The following SNTA1 variants were observed in gnomAD, a reference collection of about 807,000 sequenced individuals.
SNTA1 encodes syntrophin alpha 1.
A neutral mutation model predicts 47.1 loss-of-function variants in SNTA1; 31 were observed. The ratio of observed to expected loss-of-function variants is 0.66; its 90% confidence interval spans 0.49 to 0.89. The LOEUF is 0.89. Among genes scored for constraint, SNTA1 ranks in the 40% least tolerant of loss-of-function variants. The probability of loss-of-function intolerance (pLI) is 0.00; values close to 1 mark genes in which losing one functional copy is unlikely to be tolerated. For synonymous variants in SNTA1, 300 were observed against 313.6 expected (o/e 0.96, Z 0.46); for missense variants, 575 against 693.0 (o/e 0.83, Z 1.91).
intron 2 of SNTA1, among the ~76,000 whole-genome samples, chr20:33,426,222 G>A (rs1419948829): frequency 1.3e-5 from 2 of 151,868 alleles, no homozygotes; most frequent in Non-Finnish European, 2.9e-5. Context: ...GCTGAGGTGG[G>A]CAGATCACCT....
intron 2 of SNTA1, among the ~76,000 whole-genome samples, chr20:33,420,270 A>G (rs986145103): frequency 2.6e-5 from 4 of 152,154 alleles, no homozygotes; most frequent in Non-Finnish European, 5.9e-5. Flanking sequence ...AGGATGGTGA[A>G]GCAGAAAGAT....
chr20:33,422,558 G>A (rs923987166), intron 2 of SNTA1, among the ~76,000 whole-genome samples: 2 of 152,040 alleles, frequency 1.3e-5, no homozygotes, highest in African/African-American at 2.4e-5. Flanking sequence ...CAGGCAGATC[G>A]CTTGAGCCTA....
chr20:33,430,099 G>C (rs1299313405), intron 2 of SNTA1, among the ~76,000 whole-genome samples: 1 of 152,018 alleles, frequency 6.6e-6, no homozygotes, highest in Non-Finnish European at 1.5e-5. Flanking sequence ...CAGAGATAAT[G>C]CTCGTATCAA....
intron 2 of SNTA1, among the ~76,000 whole-genome samples, chr20:33,437,528 AT>A (rs1990472532): frequency 6.6e-6 from 1 of 152,038 alleles, no homozygotes; most frequent in African/African-American, 2.4e-5. Context: ...CTTTATTTAA[AT>A]TTTATTTTAT....
chr20:33,433,534 T>A (rs1990363761), intron 2 of SNTA1, among the ~76,000 whole-genome samples: 1 of 152,148 alleles, frequency 6.6e-6, no homozygotes, highest in African/African-American at 2.4e-5. Flanking sequence ...CCCAAAGTGC[T>A]AGGATTACAG....
intron 2 of SNTA1, among the ~76,000 whole-genome samples, chr20:33,423,539 A>G (rs969203284): frequency 6.6e-6 from 1 of 152,110 alleles, no homozygotes; most frequent in African/African-American, 2.4e-5. Flanking sequence ...CTTCCTCCTC[A>G]GGGAAGCTGA....
chr20:33,421,080 G>T lies in SNTA1; in HGVS notation c.497-3157C>A, dbSNP rs899312784. Among the ~76,000 whole-genome samples, 6 of 151,984 alleles carry T rather than the reference G, an allele frequency of 3.9e-5. No individual in the cohort carries two copies. The East Asian group carries it at 9.6e-4, about 24-fold the overall frequency. On this transcript the variant is annotated intron_variant, in intron 2 of 7. Transcript: ENST00000217381. Reference sequence around the variant, plus strand: ...TCCAGCTAATCAAGAGGCTGAGGCAGGAGGATCGCTTGAACCCAGCAAGCA... The same window carrying T: ...TCCAGCTAATCAAGAGGCTGAGGCATGAGGATCGCTTGAACCCAGCAAGCA...
rs113412654 is a variant in SNTA1, at chr20:33,412,713, C to T, written c.771G>A (p.Ala257=). The T allele has an allele frequency of 8.7e-6, 14 of 1,613,658 alleles. No homozygotes were observed. Among genetic ancestry groups the T allele is most frequent in the East Asian group, 2.2e-5 (1 of 44,876 alleles). The change falls in exon 4 of 8, where the codon GCG becomes GCA. Residue 257 remains alanine (A), a synonymous_variant. Transcript: ENST00000217381. ...LFLRAKDEAS[A]RSWATAIQAQ... ...CTTGGATGGCAGTCGCCCACGACCT[C>T]GCACTAGCCTCATCCTTGGCCCTCA...
At position 33,438,934 on chromosome 20, in the gene SNTA1, T is replaced by G. The variant is rs756587722; in HGVS notation, c.403A>C (p.Ile135Leu). ...QTEALFVGDAILSVNGEDLSS... is the reference protein window; with the variant it reads ...QTEALFVGDALLSVNGEDLSS... ...AAGTCTTCCCCATTCACAGACAGGA[T>G]GGCATCCCCCACAAAAAGGGCCTCT... Residue 135 changes from isoleucine (I) to leucine (L), a missense_variant, in exon 2 of 8, where the codon ATC (isoleucine) becomes CTC (leucine). By Grantham distance (5) the Ile-to-Leu change is conservative (BLOSUM62 2). Transcript: ENST00000217381. 7 of 1,614,110 alleles carry G rather than the reference T, an allele frequency of 4.3e-6. No individual in the cohort carries two copies. The highest frequency in any genetic ancestry group is 1.7e-5 in the Admixed American group (1 of 60,018).
intron 2 of SNTA1, among the ~76,000 whole-genome samples, chr20:33,429,027 C>A (rs560183632): frequency 6.6e-6 from 1 of 151,464 alleles, no homozygotes; most frequent in South Asian, 2.1e-4. Context: ...GGCAACAAAG[C>A]AAGACTCGGT....
intron 3 of SNTA1, 126 bp downstream of exon 3, chr20:33,417,593 T>A: frequency 1.4e-6 from 1 of 725,248 alleles, no homozygotes; most frequent in Non-Finnish European, 2.5e-6. Flanking sequence ...AATCTATTTT[T>A]TAAGCACCTA....
intron 3 of SNTA1, among the ~76,000 whole-genome samples, chr20:33,415,879 T>C (rs762830745): frequency 2.6e-5 from 4 of 151,396 alleles, no homozygotes; most frequent in African/African-American, 4.9e-5. Context: ...GAGGCCAAGG[T>C]GGGCGGATCA....
intron 4 of SNTA1, 74 bp downstream of exon 4, chr20:33,412,501 A>C (rs953883882): frequency 1.9e-6 from 3 of 1,601,468 alleles, no homozygotes; most frequent in Non-Finnish European, 2.6e-6. Flanking sequence ...TGAGGTGGCC[A>C]GGGGCACTGG....
intron 6 of SNTA1, among the ~76,000 whole-genome samples, chr20:33,409,814 A>G (rs547247265): frequency 6.6e-6 from 1 of 152,234 alleles, no homozygotes; most frequent in South Asian, 2.1e-4. Context: ...TATTTTTAGT[A>G]GAGACAGGGT....
chr20:33,421,733 AC>A (rs756385763), intron 2 of SNTA1, among the ~76,000 whole-genome samples: 3 of 151,960 alleles, frequency 2.0e-5, no homozygotes, highest in Non-Finnish European at 4.4e-5. Flanking sequence ...AGGCAGGCAG[AC>A]TGCTTGAGCC....
chr20:33,412,875 G>A, intron 3 of SNTA1, 93 bp from the exon 4 acceptor site: 2 of 818,144 alleles, frequency 2.4e-6, no homozygotes. Context: ...ACCAAACCAG[G>A]AGAAACCAGG....
At chr20:33,428,128 C>T (rs112609460) in intron 2 of SNTA1, among the ~76,000 whole-genome samples, 308 of 152,068 alleles carry the variant, frequency 2.0e-3, no homozygotes, top group African/African-American at 6.8e-3. Context: ...AATGAGGGGC[C>T]GGGCACAGTG....
rs80158740 is a variant in SNTA1 at position 33,427,324 on chromosome 20, A to C, written c.497-9401T>G. Among the ~76,000 whole-genome samples, 1,121 of 152,196 alleles carry C rather than the reference A, an allele frequency of 7.4e-3. 10 individuals are homozygous for C. The highest frequency in any genetic ancestry group is 0.025 in the African/African-American group (1,059 of 41,534). ...TCTCTGAGCCTCAGTTTCTTTGCCTATATAATGGGCACTGATATGTCAACC... is the reference window on the plus strand; with the variant it reads ...TCTCTGAGCCTCAGTTTCTTTGCCTCTATAATGGGCACTGATATGTCAACC... On this transcript the variant is annotated intron_variant, in intron 2 of 7. Coordinates refer to ENST00000217381, the MANE Select transcript of SNTA1 (RefSeq NM_003098.3).
chr20:33,440,386 C>T (rs182314240), intron 1 of SNTA1, among the ~76,000 whole-genome samples: 10 of 152,228 alleles, frequency 6.6e-5, no homozygotes, highest in African/African-American at 2.4e-4. Context: ...AACCGGGAGG[C>T]TGAGGTTGCA....
Sources: allele counts gnomAD v4.1 joint callset (sites outside exome capture counted in the v4.1 genomes callset), GRCh38; gene constraint gnomAD v4.1.1; transcripts MANE v1.5; gene names NCBI Gene and HGNC (gene_info 2026-07-23, HGNC 2026-07-21).